RFTN1: variants seen among roughly 807,000 people sequenced by gnomAD.
RFTN1 encodes raftlin, lipid raft linker 1.
A neutral mutation model predicts 46.5 loss-of-function variants in RFTN1; 26 were observed. The ratio of observed to expected loss-of-function variants is 0.56; its 90% CI spans 0.41 to 0.78. The LOEUF is 0.78. Ranked by LOEUF, RFTN1 falls within the 30% of genes least tolerant of loss-of-function variation. The pLI, the probability that RFTN1 is intolerant of heterozygous loss-of-function variation, is 0.00. For synonymous variants in RFTN1, 261 were observed against 284.2 expected, an observed-to-expected ratio of 0.92 and a Z score of 0.82; for missense variants, 693 against 718.7, an observed-to-expected ratio of 0.96 and a Z score of 0.41.
At position 16,385,610 on chromosome 3, in the gene RFTN1, T is replaced by A. The variant is rs777352403; in HGVS notation, c.442-7508A>T. Among the ~76,000 whole-genome samples, 1 of 152,234 alleles carries A rather than the reference T, an allele frequency of 6.6e-6. No individual in the cohort carries two copies. Among genetic ancestry groups the A allele is most frequent in the Non-Finnish European group, 1.5e-5 (1 of 68,048 alleles). On this transcript the variant is annotated intron_variant, in intron 4 of 9. Coordinates refer to ENST00000334133, the MANE Select transcript of RFTN1 (RefSeq NM_015150.2). The surrounding 1 kb of genome is among the most constrained non-coding windows in gnomAD (Gnocchi z 5.0). ...AAGATACTAATATTCATTTATTCAT[T>A]CCATAACTACTTACTGAATACCAAT... is the stretch of plus-strand genomic sequence containing the variant.
rs76811065 is a variant in RFTN1, at chr3:16,499,694, C to T, written c.-8-5817G>A. 5.9e-5 allele frequency among the ~76,000 whole-genome samples: 9 copies of T among 152,332 alleles called. No homozygotes were observed. The highest frequency in any genetic ancestry group is 2.9e-5 in the Non-Finnish European group (2 of 68,036). ...AAGCAACTTATATACCAAGTCTGCT[C>T]GAAATGACCATGGCCTGCCGCCTCC... is the stretch of plus-strand genomic sequence containing the variant. On this transcript the variant is annotated intron_variant, in intron 1 of 9. Coordinates refer to ENST00000334133, the MANE Select transcript of RFTN1 (RefSeq NM_015150.2). This position sits in a 1 kb window ranked among gnomAD's most constrained non-coding sequence, Gnocchi z 4.9.
intron 5 of RFTN1, among the ~76,000 whole-genome samples, chr3:16,372,498 C>G (rs2073559442): frequency 6.6e-6 from 1 of 152,148 alleles, no homozygotes; most frequent in African/African-American, 2.4e-5. Flanking sequence ...CTACAGCCTG[C>G]TACAGTCAAG....
In RFTN1 at chr3:16,410,821, A is replaced by G. The variant is rs2074969018; in HGVS notation, c.333-1338T>C. Among the ~76,000 whole-genome samples, 1 of 152,200 alleles carries G rather than the reference A, an allele frequency of 6.6e-6. No homozygotes were observed. The highest frequency in any genetic ancestry group is 1.5e-5 in the Non-Finnish European group (1 of 68,028). ...CACCCATTCAGGAGAGCCAGCAGCA[A>G]GTGGTCACCAGGAGGAAATTCCACC... On this transcript the variant is annotated intron_variant, in intron 3 of 9. Coordinates refer to ENST00000334133, the MANE Select transcript of RFTN1 (RefSeq NM_015150.2). The surrounding 1 kb of genome is among the most constrained non-coding windows in gnomAD (Gnocchi z 4.6).
At chr3:16,368,286 G>C (rs74440057) in intron 6 of RFTN1, among the ~76,000 whole-genome samples, 1 of 152,208 alleles carries the variant, frequency 6.6e-6, no homozygotes, top group Non-Finnish European at 1.5e-5. Flanking sequence ...GGGGAACTTT[G>C]TAAGTACCCA....
In RFTN1 at chr3:16,337,714, C is replaced by A. The variant is rs2070990802; in HGVS notation, c.1147-10838G>T. Among the ~76,000 whole-genome samples, 1 of 148,384 alleles carries A rather than the reference C, an allele frequency of 6.7e-6. No homozygotes were observed. Among genetic ancestry groups the A allele is most frequent in the Admixed American group, 6.7e-5 (1 of 14,886 alleles). ...CCCAGATTGCGCCACTGCACTCCAGCCTGGCGACAGAGCGAGACTCCATCT... is the reference window on the plus strand; with the variant it reads ...CCCAGATTGCGCCACTGCACTCCAGACTGGCGACAGAGCGAGACTCCATCT... On this transcript the variant is annotated intron_variant, in intron 7 of 9. Transcript: ENST00000334133. This position sits in a 1 kb window ranked among gnomAD's most constrained non-coding sequence, Gnocchi z 5.0.
Position 16,440,682 on chromosome 3 carries a change from G to T in RFTN1, c.146-6645C>A, listed in dbSNP as rs942997887. On this transcript the variant is annotated intron_variant, in intron 2 of 9. Coordinates refer to ENST00000334133, the MANE Select transcript of RFTN1 (RefSeq NM_015150.2). The surrounding 1 kb of genome is among the most constrained non-coding windows in gnomAD (Gnocchi z 4.6). ...TGCCCAAGGGGACAAGATGGTTACT[G>T]CTAATGGGGGGGGGGCCCAATGGTG... is the stretch of plus-strand genomic sequence containing the variant. Among the ~76,000 whole-genome samples the T allele has an allele frequency of 6.6e-6, 1 of 150,674 alleles. No individual in the cohort carries two copies. The highest frequency in any genetic ancestry group is 2.5e-5 in the African/African-American group (1 of 40,204).
At chr3:16,411,121 C>T (rs1323510862) in intron 3 of RFTN1, among the ~76,000 whole-genome samples, 1 of 152,128 alleles carries the variant, frequency 6.6e-6, no homozygotes, top group Non-Finnish European at 1.5e-5. Flanking sequence ...TCCTGGCCCA[C>T]TTATGAGGCT....
In RFTN1 at chr3:16,452,398, A is replaced by G. The variant is rs528684609; in HGVS notation, c.146-18361T>C. ...TTGTAAACATCTAAAGTCTCCCTCC[A>G]TCTTCACAATGTTGATTGAAATGCT... On this transcript the variant is annotated intron_variant, in intron 2 of 9. Transcript: ENST00000334133. This position sits in a 1 kb window ranked among gnomAD's most constrained non-coding sequence, Gnocchi z 6.3. Among the ~76,000 whole-genome samples the G allele has an allele frequency of 6.6e-6, 1 of 152,336 alleles. No homozygotes were observed. Among genetic ancestry groups the G allele is most frequent in the South Asian group, 2.1e-4 (1 of 4,830 alleles).
At chr3:16,455,438 C>T (rs181607863) in intron 2 of RFTN1, among the ~76,000 whole-genome samples, 4 of 152,200 alleles carry the variant, frequency 2.6e-5, no homozygotes, top group Admixed American at 2.6e-4. Flanking sequence ...GAAAACAAAA[C>T]CCTAGGATGA....
Position 16,410,212 on chromosome 3 carries a change from T to TAC in RFTN1, c.333-731_333-730dup, listed in dbSNP as rs66657696. ...TTGGTACAATACAGCTTACATGTTA[T>TAC]ACACACACACACACACACACACACA... On this transcript the variant is annotated intron_variant, in intron 3 of 9. Coordinates refer to ENST00000334133, the MANE Select transcript of RFTN1 (RefSeq NM_015150.2). The surrounding 1 kb of genome is among the most constrained non-coding windows in gnomAD (Gnocchi z 4.6). Among the ~76,000 whole-genome samples, 12,589 of 140,972 alleles carry TAC rather than the reference T, an allele frequency of 0.089. 512 individuals are homozygous for TAC. The highest frequency in any genetic ancestry group is 0.11 in the African/African-American group (4,013 of 37,072). The allele number at this position is 140,972 out of a possible 152,430, so 92.5% of individuals were successfully genotyped here.
Position 16,506,350 on chromosome 3 carries a change from G to A in RFTN1, c.-9+7092C>T, listed in dbSNP as rs73818420. 4.5e-4 allele frequency among the ~76,000 whole-genome samples: 69 copies of A among 152,246 alleles called. No individual in the cohort carries two copies. The highest frequency in any genetic ancestry group is 1.5e-3 in the African/African-American group (64 of 41,530). On this transcript the variant is annotated intron_variant, in intron 1 of 9. Coordinates refer to ENST00000334133, the MANE Select transcript of RFTN1 (RefSeq NM_015150.2). The surrounding 1 kb of genome is among the most constrained non-coding windows in gnomAD (Gnocchi z 4.8). ...GGGGAGACAGAGCGTAGGCCTGGCCGGGCCGTGAGCACTTCAGCTTTACCC... is the reference window on the plus strand; with the variant it reads ...GGGGAGACAGAGCGTAGGCCTGGCCAGGCCGTGAGCACTTCAGCTTTACCC...
intron 2 of RFTN1, among the ~76,000 whole-genome samples, chr3:16,482,458 C>T (rs2076382313): frequency 6.6e-6 from 1 of 152,146 alleles, no homozygotes; most frequent in Admixed American, 6.5e-5. Flanking sequence ...AGCTGGGGTC[C>T]TTGAATGACC....
intron 3 of RFTN1, among the ~76,000 whole-genome samples, chr3:16,419,274 G>C (rs902872560): frequency 1.3e-5 from 2 of 152,142 alleles, no homozygotes; most frequent in African/African-American, 4.8e-5. Flanking sequence ...GGGCAGAATA[G>C]TGGGAAACAA....
In RFTN1 at chr3:16,427,211, A is replaced by G. The variant is rs537813313; in HGVS notation, c.332+6640T>C. On this transcript the variant is annotated intron_variant, in intron 3 of 9. Transcript: ENST00000334133. This position sits in a 1 kb window ranked among gnomAD's most constrained non-coding sequence, Gnocchi z 5.4. ...TCCAGATTTCTGGCTTTTCTTGAAAAAAGTACAAGACCTGGCAACACCTGA... is the reference window on the plus strand; with the variant it reads ...TCCAGATTTCTGGCTTTTCTTGAAAGAAGTACAAGACCTGGCAACACCTGA... 6.6e-6 allele frequency among the ~76,000 whole-genome samples: 1 copy of G among 152,344 alleles called. No homozygotes were observed. The highest frequency in any genetic ancestry group is 2.4e-5 in the African/African-American group (1 of 41,582).
At position 16,385,445 on chromosome 3, in the gene RFTN1, G is replaced by T. The variant is rs530031295; in HGVS notation, c.442-7343C>A. On this transcript the variant is annotated intron_variant, in intron 4 of 9. Transcript: ENST00000334133. The surrounding 1 kb of genome is among the most constrained non-coding windows in gnomAD (Gnocchi z 5.0). ...TGCTGTTGTGGTTTTCTCATTTAGC[G>T]ACTGAGAGGTCTTAGAATCTGCCCT... 6.6e-6 allele frequency among the ~76,000 whole-genome samples: 1 copy of T among 152,162 alleles called. No individual in the cohort carries two copies. Among genetic ancestry groups the T allele is most frequent in the Non-Finnish European group, 1.5e-5 (1 of 68,034 alleles).
chr3:16,405,954 A>C (rs1378926231), intron 4 of RFTN1, among the ~76,000 whole-genome samples: 2 of 152,112 alleles, frequency 1.3e-5, no homozygotes, highest in Non-Finnish European at 2.9e-5. Context: ...ATCTTGACCT[A>C]ACTGAGCTGC....
intron 4 of RFTN1, among the ~76,000 whole-genome samples, chr3:16,397,690 T>C (rs2074500975): frequency 6.6e-6 from 1 of 152,124 alleles, no homozygotes; most frequent in Admixed American, 6.5e-5. Flanking sequence ...TTTCCATGGT[T>C]GGTAGGTGGT....
intron 5 of RFTN1, chr3:16,371,011 G>A (rs2073477581): frequency 6.6e-6 from 1 of 152,214 alleles, no homozygotes; most frequent in Admixed American, 6.5e-5. Context: ...GCAGCTGGGC[G>A]TGGCTTAGCA....
rs2074011715 is a variant in RFTN1, at chr3:16,382,088, G to A, written c.442-3986C>T. ...CTGCCCTTATCCTATGCATTCCAGG[G>A]AAATTCACACCCCCAAGAAGAGGAA... On this transcript the variant is annotated intron_variant, in intron 4 of 9. Coordinates refer to ENST00000334133, the MANE Select transcript of RFTN1 (RefSeq NM_015150.2). This position sits in a 1 kb window ranked among gnomAD's most constrained non-coding sequence, Gnocchi z 4.7. Among the ~76,000 whole-genome samples the A allele has an allele frequency of 6.6e-6, 1 of 152,126 alleles. No homozygotes were observed. The highest frequency in any genetic ancestry group is 1.5e-5 in the Non-Finnish European group (1 of 68,022).
Sources: gnomAD v4.1 joint callset for allele counts (sites outside exome capture counted in the v4.1 genomes callset) on GRCh38, gnomAD v4.1.1 for gene constraint, Gnocchi (gnomAD v3.1) non-coding constraint, MANE v1.5 for transcripts, NCBI Gene and HGNC (gene_info 2026-07-23, HGNC 2026-07-21) for gene names.